The following CPLANE1 variants were observed in gnomAD, a reference collection of about 807,000 sequenced individuals.
The protein encoded by CPLANE1 is ciliogenesis and planar polarity effector 1.
CPLANE1 carries 263 observed loss-of-function variants against 362.5 expected under a neutral mutation model. The ratio of observed to expected loss-of-function variants is 0.73; its 90% CI spans 0.66 to 0.80. CPLANE1 has a LOEUF of 0.80. Ranked by LOEUF, CPLANE1 falls within the 30% of genes least tolerant of loss-of-function variation. CPLANE1 has a pLI of 0.00. For missense variants in CPLANE1, 3,461 were observed against 3,793.4 expected (o/e 0.91, Z 2.30); for synonymous variants, 1,212 against 1,302.6 (o/e 0.93, Z 1.50).
In CPLANE1 at chr5:37,243,026, A is replaced by G. The variant is rs1011229827; in HGVS notation, c.664T>C (p.Phe222Leu). Reference sequence around the variant, plus strand: ...CATTTACCTCACCTTACAGATGTAAATACATTCTCATGCCACCGAATTGCT... The same window carrying G: ...CATTTACCTCACCTTACAGATGTAAGTACATTCTCATGCCACCGAATTGCT... Reference protein sequence around the residue: ...FLAIRWHENVFTSVRSLPYHV... With the variant: ...FLAIRWHENVLTSVRSLPYHV... Residue 222 changes from phenylalanine to leucine, a missense_variant, in exon 6 of 53, where the codon TTT becomes CTT. Phe to Leu is a conservative substitution (Grantham distance 22). Transcript: ENST00000651892. 3 of 1,540,094 alleles carry G rather than the reference A, an allele frequency of 1.9e-6. No homozygotes were observed. Among genetic ancestry groups the G allele is most frequent in the Non-Finnish European group, 2.6e-6 (3 of 1,141,580 alleles).
chr5:37,191,018 T>G (rs1366233209), intron 21 of CPLANE1, among the ~76,000 whole-genome samples: 1 of 152,176 alleles, frequency 6.6e-6, no homozygotes, highest in Non-Finnish European at 1.5e-5. Flanking sequence ...GGCAGGTCCT[T>G]CAGGAGTTAT....
In CPLANE1 at chr5:37,211,559, C is replaced by G. The variant is rs1792601733; in HGVS notation, c.2920+2000G>C. The stretch of plus-strand genomic sequence containing the variant: ...CAAGGCTATGCGGGGGCACTTCCTC[C>G]AGACGCCTCTCCTCCACACCCCTTC... On this transcript the variant is annotated intron_variant, in intron 16 of 52. Transcript: ENST00000651892. 2.7e-6 allele frequency: 3 copies of G among 1,129,588 alleles called. No individual in the cohort carries two copies. The South Asian group carries it at 3.8e-5, about 14-fold the overall frequency. The allele number at this position is 1,129,588 out of a possible 1,614,324, so 70.0% of individuals were successfully genotyped here. A position where few individuals can be genotyped will look rare whatever the true frequency, so the allele number is the denominator to read the frequency against.
At chr5:37,162,310 C>T (rs1777047703) in intron 38 of CPLANE1, among the ~76,000 whole-genome samples, 155 bp downstream of exon 38, 1 of 152,140 alleles carries the variant, frequency 6.6e-6, no homozygotes, top group African/African-American at 2.4e-5. Context: ...TTGATTTCTA[C>T]AGTATATACC....
At chr5:37,138,977 T>C (rs769336876) in intron 45 of CPLANE1, 129 bp from the exon 46 acceptor site, 3 of 774,924 alleles carry the variant, frequency 3.9e-6, no homozygotes, top group Non-Finnish European at 5.9e-6. Context: ...TCTATTTCTG[T>C]AATTCTAGTA....
At chr5:37,111,077 G>T (rs1759126649) in intron 51 of CPLANE1, among the ~76,000 whole-genome samples, 2 of 151,496 alleles carry the variant, frequency 1.3e-5, no homozygotes, top group African/African-American at 4.9e-5. Context: ...AAAGTGCTGG[G>T]ATTACAGGCG....
chr5:37,216,078 C>T (rs1230934130), intron 15 of CPLANE1, among the ~76,000 whole-genome samples: 3 of 152,046 alleles, frequency 2.0e-5, no homozygotes, highest in East Asian at 1.9e-4. Context: ...CTCAAGTAAT[C>T]GGTCCGCCTC....
At chr5:37,167,686 G>A (rs1401278567) in intron 34 of CPLANE1, among the ~76,000 whole-genome samples, 2 of 152,174 alleles carry the variant, frequency 1.3e-5, no homozygotes, top group African/African-American at 4.8e-5. Flanking sequence ...GCTGAGGCAG[G>A]AGAATCACTT....
chr5:37,147,623 A>G (rs1470151943), intron 43 of CPLANE1, among the ~76,000 whole-genome samples: 1 of 152,166 alleles, frequency 6.6e-6, no homozygotes, highest in East Asian at 1.9e-4. Flanking sequence ...ACTGAGAAAC[A>G]AAGAGAATTA....
the CPLANE1 span, among the ~76,000 whole-genome samples, chr5:37,090,574 T>C: frequency 1.3e-5 from 2 of 152,202 alleles, no homozygotes; most frequent in African/African-American, 2.4e-5. Context: ...TCTTATCTCA[T>C]ACCCTGGTAA....
At chr5:37,162,251 T>C (rs1337140144) in intron 38 of CPLANE1, among the ~76,000 whole-genome samples, 3 of 152,242 alleles carry the variant, frequency 2.0e-5, no homozygotes, top group Non-Finnish European at 4.4e-5. Flanking sequence ...ATGTAGTCTA[T>C]GGCAATTTTG....
chr5:37,211,536 A>G, intron 16 of CPLANE1: 3 of 1,272,444 alleles, frequency 2.4e-6, no homozygotes, highest in East Asian at 2.3e-5. Context: ...TGCAGCCTCA[A>G]GGCTATGCGG....
At chr5:37,125,446 A>C (rs1182458341) in intron 46 of CPLANE1, 37 bp from the exon 47 acceptor site, 15 of 1,590,412 alleles carry the variant, frequency 9.4e-6, no homozygotes, top group Non-Finnish European at 1.3e-5. Context: ...ATTTGCTTTT[A>C]AATTTGTTAA....
Position 37,121,754 on chromosome 5 carries a change from TCGA to T in CPLANE1, c.9045_9047del (p.Arg3016del). The T allele has an allele frequency of 1.2e-6, 2 of 1,614,102 alleles. No individual in the cohort carries two copies. Among genetic ancestry groups the T allele is most frequent in the Non-Finnish European group, 1.7e-6 (2 of 1,179,930 alleles). On this transcript the variant is annotated inframe_deletion, in exon 49 of 53. Transcript: ENST00000651892. ...TCATCAGACCGTACGCTTGTGAGATTCGACGACTATAGTGTTCAGAGAGCAGCA... is the reference window on the plus strand; with the variant it reads ...TCATCAGACCGTACGCTTGTGAGATTCGACTATAGTGTTCAGAGAGCAGCA...
intron 2 of CPLANE1, among the ~76,000 whole-genome samples, chr5:37,247,268 C>A (rs1230581810): frequency 6.6e-6 from 1 of 152,160 alleles, no homozygotes; most frequent in Non-Finnish European, 1.5e-5. Context: ...AGGAAACACT[C>A]CATTAACTGT....
intron 43 of CPLANE1, among the ~76,000 whole-genome samples, chr5:37,144,081 A>G (rs1770653198): frequency 6.6e-6 from 1 of 151,828 alleles, no homozygotes; most frequent in Non-Finnish European, 1.5e-5. Context: ...AAATCTTAAA[A>G]CTAAAGAATC....
At chr5:37,125,967 G>A (rs1764016510) in intron 46 of CPLANE1, among the ~76,000 whole-genome samples, 1 of 152,174 alleles carries the variant, frequency 6.6e-6, no homozygotes, top group African/African-American at 2.4e-5. Flanking sequence ...GCTGGGCTCA[G>A]TGGCTCACAC....
chr5:37,208,772 G>A (rs181570890), intron 16 of CPLANE1, among the ~76,000 whole-genome samples: 9 of 149,374 alleles, frequency 6.0e-5, no homozygotes, highest in East Asian at 4.0e-4. Flanking sequence ...ACTCAGTCAC[G>A]CTGTATTGCT....
chr5:37,165,728 C>T (rs1001057376), intron 35 of CPLANE1, 57 bp from the exon 36 acceptor site: 11 of 1,494,046 alleles, frequency 7.4e-6, no homozygotes, highest in Non-Finnish European at 9.0e-6. Flanking sequence ...ATTTGCTTTT[C>T]ATTTATCATG....
chr5:37,157,104 T>C lies in CPLANE1; in HGVS notation c.8119+209A>G, dbSNP rs550976229. 2.8e-4 allele frequency among the ~76,000 whole-genome samples: 42 copies of C among 152,342 alleles called. 1 individual carries two copies. Among genetic ancestry groups the C allele is most frequent in the Admixed American group, 6.5e-4 (10 of 15,290 alleles). ...GCCCTATTAATTGAGAAAAGACATATGCATAAACAGATCTGTGACTTCTTA... is the reference window on the plus strand; with the variant it reads ...GCCCTATTAATTGAGAAAAGACATACGCATAAACAGATCTGTGACTTCTTA... On this transcript the variant is annotated intron_variant, in intron 41 of 52. Coordinates refer to ENST00000651892, the MANE Select transcript of CPLANE1 (RefSeq NM_001384732.1).
Sources: gnomAD v4.1 joint callset for allele counts (sites outside exome capture counted in the v4.1 genomes callset) on GRCh38, gnomAD v4.1.1 for gene constraint, MANE v1.5 for transcripts, NCBI Gene and HGNC (gene_info 2026-07-23, HGNC 2026-07-21) for gene names.